Variants in ATP6V1B1 observed in about 807,000 individuals in gnomAD.
ATP6V1B1 encodes V-type proton ATPase subunit B, kidney isoform.
ATP6V1B1 carries 41 observed loss-of-function variants against 62.1 expected under a neutral mutation model. That is an observed-to-expected ratio of 0.66 (90% CI 0.51 to 0.86). ATP6V1B1 has a LOEUF of 0.86. ATP6V1B1 is among the 40% of genes least tolerant of loss of function. The probability of loss-of-function intolerance (pLI) is 0.00; values close to 1 mark genes in which losing one functional copy is unlikely to be tolerated. For missense variants in ATP6V1B1, 651 were observed against 697.5 expected, an observed-to-expected ratio of 0.93 and a Z score of 0.75; for synonymous variants, 253 against 273.4, an observed-to-expected ratio of 0.93 and a Z score of 0.74.
In ATP6V1B1 at chr2:70,960,180, C is replaced by G. The variant is rs1450319943; in HGVS notation, c.585+102C>G. 1.9e-6 allele frequency: 3 copies of G among 1,540,946 alleles called. No homozygotes were observed. The East Asian group carries it at 6.9e-5, about 35-fold the overall frequency. On this transcript the variant is annotated intron_variant, in intron 6 of 13. Transcript: ENST00000234396. ...AGCTCCTGTGCCAAGCAGGCAGGGG[C>G]TGGCAGGGCTGGGGTCGCCAGCATC...
Position 70,965,097 on chromosome 2 carries a change from C to A in ATP6V1B1, c.1518C>A (p.Asp506Glu). ...EFYSREGALQ[D>E]LAPDTAL is the part of the protein sequence containing the mutation. ...ATTCCCGCGAGGGGGCGCTGCAGGA[C>A]CTCGCGCCTGACACTGCGCTCTAGC... Residue 506 changes from aspartate to glutamate, a missense_variant, in exon 14 of 14, where the codon GAC becomes GAA. Asp to Glu is a conservative substitution (Grantham distance 45). Coordinates refer to ENST00000234396, the MANE Select transcript of ATP6V1B1 (RefSeq NM_001692.4). 4 of 1,612,030 alleles carry A rather than the reference C, an allele frequency of 2.5e-6. No homozygotes were observed. The highest frequency in any genetic ancestry group is 3.4e-6 in the Non-Finnish European group (4 of 1,180,024).
chr2:70,944,219 CA>C, intron 2 of ATP6V1B1: 2 of 1,289,182 alleles, frequency 1.6e-6, no homozygotes, highest in Non-Finnish European at 2.0e-6. Context: ...TCAGTCTCAG[CA>C]ACATGGGTGG....
chr2:70,940,902 T>G, intron 1 of ATP6V1B1: 1 of 886,970 alleles, frequency 1.1e-6, no homozygotes, highest in Non-Finnish European at 1.3e-6. Context: ...TTCTTTTTTC[T>G]TTTTCTTTTT....
chr2:70,953,589 T>C (rs1328171205), intron 2 of ATP6V1B1, among the ~76,000 whole-genome samples: 5 of 152,186 alleles, frequency 3.3e-5, no homozygotes, highest in African/African-American at 1.2e-4. Context: ...AACTTGGTCT[T>C]TTTTATACAT....
chr2:70,954,895 C>T (rs1182433350), intron 2 of ATP6V1B1, among the ~76,000 whole-genome samples: 5 of 152,142 alleles, frequency 3.3e-5, no homozygotes, highest in Admixed American at 2.6e-4. Context: ...GGACTTTTTC[C>T]GGGAAGAAGG....
At chr2:70,941,061 C>A in intron 1 of ATP6V1B1, 1 of 454,936 alleles carries the variant, frequency 2.2e-6, no homozygotes, top group Non-Finnish European at 2.9e-6. Flanking sequence ...GGACCACAGG[C>A]ACGTTCCACC....
chr2:70,943,638 C>T lies in ATP6V1B1; in HGVS notation c.119-20C>T, dbSNP rs372137231. Reference sequence around the variant, plus strand: ...GGGTGTTTGGGGTGAGACCCCTACTCACCCCCGCCCCTCCCCCAGCCTACA... The same window carrying T: ...GGGTGTTTGGGGTGAGACCCCTACTTACCCCCGCCCCTCCCCCAGCCTACA... On this transcript the variant is annotated intron_variant, in intron 1 of 13. Transcript: ENST00000234396. The T allele has an allele frequency of 4.3e-6, 7 of 1,612,364 alleles. No homozygotes were observed. The Admixed American group carries it at 5.0e-5, about 12-fold the overall frequency.
Position 70,942,023 on chromosome 2 carries a change from C to T in ATP6V1B1, c.119-1635C>T, listed in dbSNP as rs995943646. ...GAACTGGAGAAGGACTGGGACTGAG[C>T]GAGGTTTATTTTGTACTGGAAACAT... On this transcript the variant is annotated intron_variant, in intron 1 of 13. Coordinates refer to ENST00000234396, the MANE Select transcript of ATP6V1B1 (RefSeq NM_001692.4). 1.5e-5 allele frequency: 16 copies of T among 1,085,354 alleles called. No individual in the cohort carries two copies. In the Admixed American group the frequency reaches 3.6e-4, roughly 25 times the overall value. 67.2% of individuals were successfully genotyped at this position (1,085,354 alleles called of 1,614,324 possible). A position where few individuals can be genotyped will look rare whatever the true frequency, so the allele number is the denominator to read the frequency against.
intron 1 of ATP6V1B1, chr2:70,938,902 CA>C: frequency 3.2e-6 from 2 of 634,916 alleles, no homozygotes; most frequent in Admixed American, 6.3e-5. Context: ...GCTTGAGTGC[CA>C]AACCACTGTC....
intron 2 of ATP6V1B1, among the ~76,000 whole-genome samples, chr2:70,949,742 C>T (rs1680275503): frequency 6.6e-6 from 1 of 152,178 alleles, no homozygotes; most frequent in Admixed American, 6.5e-5. Context: ...TCCTACCAAG[C>T]AAGTTGTGCA....
Position 70,962,784 on chromosome 2 carries a change from C to G in ATP6V1B1, c.793C>G (p.Arg265Gly). The G allele has an allele frequency of 1.2e-6, 2 of 1,613,896 alleles. No homozygotes were observed. The highest frequency in any genetic ancestry group is 1.7e-6 in the Non-Finnish European group (2 of 1,180,000). The change falls in exon 9 of 14, where the codon CGG becomes GGG. Residue 265 changes from arginine (R) to glycine (G), a missense_variant. Physicochemically the swap from Arg to Gly is moderately radical, Grantham distance 125. Transcript: ENST00000234396. ...ACCTGGCTACACCTCCAGGATCGAG[C>G]GGATCATCACCCCGCGCCTGGCGCT... ...LNLANDPTIE[R>G]IITPRLALTT...
rs1680694601 is a variant in ATP6V1B1 at position 70,965,162 on chromosome 2, C to T, written c.*41C>T. 1 of 1,597,458 alleles carries T rather than the reference C, an allele frequency of 6.3e-7. No individual in the cohort carries two copies. ...CACCCCAACACCGGCAGGGAACCTA[C>T]CCTCGGCTCCCGGGTCTCCCCTCCC... On this transcript the variant is annotated 3_prime_UTR_variant, in exon 14 of 14. Transcript: ENST00000234396.
At chr2:70,940,753 ACT>A (rs1679977699) in intron 1 of ATP6V1B1, 2 of 984,534 alleles carry the variant, frequency 2.0e-6, no homozygotes, top group Admixed American at 6.2e-5. Flanking sequence ...GGTCAATGGG[ACT>A]CTCATTTGGT....
intron 1 of ATP6V1B1, chr2:70,938,784 T>G: frequency 1.0e-6 from 1 of 985,362 alleles, no homozygotes; most frequent in Non-Finnish European, 1.2e-6. Context: ...CAGAAGATGT[T>G]GGGCTTGGAG....
chr2:70,943,982 C>T (rs1475842861), intron 2 of ATP6V1B1: 1 of 980,736 alleles, frequency 1.0e-6, no homozygotes, highest in African/African-American at 1.7e-5. Flanking sequence ...CTATCCCTAA[C>T]AAGCTGTCCT....
intron 7 of ATP6V1B1, among the ~76,000 whole-genome samples, 183 bp from the exon 8 acceptor site, chr2:70,961,413 T>C (rs1198632371): frequency 6.6e-6 from 1 of 152,200 alleles, no homozygotes; most frequent in Admixed American, 6.5e-5. Flanking sequence ...CTATGAGGAC[T>C]GGGGCAGCAA....
At chr2:70,942,531 G>T (rs1015774297) in intron 1 of ATP6V1B1, 14 of 396,696 alleles carry the variant, frequency 3.5e-5, no homozygotes, top group African/African-American at 2.7e-4. Context: ...TTGGCATGGG[G>T]TGGCTCGGGG....
intron 2 of ATP6V1B1, among the ~76,000 whole-genome samples, chr2:70,954,874 C>T (rs973261832): frequency 1.7e-4 from 26 of 152,258 alleles, no homozygotes; most frequent in African/African-American, 6.0e-4. Flanking sequence ...GGATGCAATG[C>T]GTTTGCTCCA....
At chr2:70,962,719 C>T (rs1390200013) in intron 8 of ATP6V1B1, 58 bp from the exon 9 acceptor site, 1 of 1,607,382 alleles carries the variant, frequency 6.2e-7, no homozygotes. Flanking sequence ...AGCCCCCAGG[C>T]TATGTGGTGC....
Sources: allele counts gnomAD v4.1 joint callset (sites outside exome capture counted in the v4.1 genomes callset), GRCh38; gene constraint gnomAD v4.1.1; transcripts MANE v1.5; gene names NCBI Gene and HGNC (gene_info 2026-07-23, HGNC 2026-07-21).